Variants in TTK observed in about 807,000 individuals in gnomAD.
TTK encodes the protein TTK protein kinase.
In TTK, 59 loss-of-function variants were observed where a neutral mutation model predicts 117.3. The observed-to-expected ratio is 0.50, with a 90% confidence interval of 0.41 to 0.62. TTK has a LOEUF of 0.62. Ranked by LOEUF, TTK falls within the 20% of genes least tolerant of loss-of-function variation. The pLI is 0.00. For synonymous variants in TTK, 302 were observed against 325.0 expected, an observed-to-expected ratio of 0.93 and a Z score of 0.76; for missense variants, 921 against 989.4, an observed-to-expected ratio of 0.93 and a Z score of 0.93.
chr6:80,013,162 A>G (rs777337861), intron 8 of TTK, 117 bp from the exon 9 acceptor site: 17 of 803,032 alleles, frequency 2.1e-5, no homozygotes, highest in Non-Finnish European at 3.1e-5. Flanking sequence ...TTTTTAAGAG[A>G]TTTTTTTCAA....
At chr6:80,007,773 T>A (rs779365490) in intron 2 of TTK, 36 bp from the exon 3 acceptor site, 1 of 1,542,528 alleles carries the variant, frequency 6.5e-7, no homozygotes, top group Admixed American at 2.0e-5. Flanking sequence ...TTGTTTTATG[T>A]CTTTTCTTGT....
intron 10 of TTK, among the ~76,000 whole-genome samples, chr6:80,020,453 C>T (rs567608206): frequency 5.6e-4 from 85 of 152,192 alleles, no homozygotes; most frequent in African/African-American, 2.0e-3. Context: ...CTCAACTCAA[C>T]TAGCTTAATA....
At chr6:80,006,216 G>T (rs1197810780) in intron 2 of TTK, 2 of 505,234 alleles carry the variant, frequency 4.0e-6, no homozygotes, top group African/African-American at 3.9e-5. Context: ...ATGATTAATG[G>T]GTGAAAATGC....
At chr6:80,028,480 G>C (rs1767668342) in intron 13 of TTK, among the ~76,000 whole-genome samples, 1 of 151,676 alleles carries the variant, frequency 6.6e-6, no homozygotes, top group Admixed American at 6.6e-5. Context: ...ACCACACCTG[G>C]CTAATTTTTG....
rs188719171 is a variant in TTK, at chr6:80,033,248, A to G, written c.1614+1689A>G. On this transcript the variant is annotated intron_variant, in intron 14 of 21. Transcript: ENST00000369798. ...GTATTTGTCTTTCTGTATTTAGCCT[A>G]TTTCAGTTCCTCCTGGCTTATTTTA... 4.2e-4 allele frequency among the ~76,000 whole-genome samples: 64 copies of G among 152,218 alleles called. 1 individual carries two copies. Among genetic ancestry groups the G allele is most frequent in the Middle Eastern group, 3.4e-3 (1 of 294 alleles).
chr6:80,013,496 A>G, intron 9 of TTK, 130 bp downstream of exon 9: 2 of 703,116 alleles, frequency 2.8e-6, no homozygotes. Context: ...CACATACCCC[A>G]AGAGCTGTGG....
At chr6:80,014,436 CTTTA>C (rs760777675) in intron 9 of TTK, 23 bp from the exon 10 acceptor site, 315 of 1,577,588 alleles carry the variant, frequency 2.0e-4, no homozygotes, top group Non-Finnish European at 2.1e-4. Flanking sequence ...ATTTATGGGA[CTTTA>C]TTTGATTTTC....
intron 10 of TTK, among the ~76,000 whole-genome samples, chr6:80,021,097 G>A (rs1396284941): frequency 6.6e-6 from 1 of 152,210 alleles, no homozygotes. Context: ...GGATTTCCCA[G>A]TACACTCTGG....
chr6:80,009,338 A>G (rs1055094960), intron 4 of TTK, among the ~76,000 whole-genome samples: 1 of 151,954 alleles, frequency 6.6e-6, no homozygotes, highest in South Asian at 2.1e-4. Flanking sequence ...TAATTATATG[A>G]CTCAGAAATA....
chr6:80,037,373 T>C (rs1223126234), intron 17 of TTK, among the ~76,000 whole-genome samples: 4 of 152,070 alleles, frequency 2.6e-5, no homozygotes, highest in Non-Finnish European at 5.9e-5. Flanking sequence ...CTAAAGTAGA[T>C]ATATTCTGTG....
In TTK at chr6:80,035,356, A is replaced by G. The variant is rs752614808; in HGVS notation, c.1863A>G (p.Pro621=). 1.2e-6 allele frequency: 2 copies of G among 1,612,672 alleles called. No homozygotes were observed. The highest frequency in any genetic ancestry group is 3.3e-5 in the Admixed American group (2 of 59,864). Residue 621 remains proline, a synonymous_variant, in exon 16 of 22, where the codon CCA becomes CCG. Coordinates refer to ENST00000369798, the MANE Select transcript of TTK (RefSeq NM_003318.5). ...TTAAAAAGAAAAAATCCATTGATCC[A>G]TGGGAACGCAAGAGTTACTGGAAAA... ...SWLKKKKSID[P]WERKSYWKNM...
intron 12 of TTK, 107 bp downstream of exon 12, chr6:80,026,621 G>T (rs968291683): frequency 1.4e-6 from 2 of 1,463,906 alleles, no homozygotes; most frequent in African/African-American, 2.9e-5. Flanking sequence ...TTACTTTAAA[G>T]ACTTTCCATC....
chr6:80,042,016 GAAAT>G, intron 21 of TTK, 99 bp from the exon 22 acceptor site: 1 of 561,610 alleles, frequency 1.8e-6, no homozygotes, highest in Non-Finnish European at 2.9e-6. Flanking sequence ...GAACAAGAGA[GAAAT>G]AAATGTATTA....
intron 11 of TTK, among the ~76,000 whole-genome samples, chr6:80,026,093 T>C (rs996175150): frequency 6.6e-6 from 1 of 152,172 alleles, no homozygotes; most frequent in Non-Finnish European, 1.5e-5. Flanking sequence ...TTACAATAGC[T>C]CTGATGGAAG....
intron 8 of TTK, 58 bp downstream of exon 8, chr6:80,012,038 A>G: frequency 2.1e-6 from 3 of 1,411,182 alleles, no homozygotes; most frequent in Non-Finnish European, 2.9e-6. Flanking sequence ...TAATGGCAGA[A>G]TGGTCTTAAA....
chr6:80,023,459 G>A (rs754503434), intron 11 of TTK, among the ~76,000 whole-genome samples: 1 of 152,042 alleles, frequency 6.6e-6, no homozygotes. Context: ...CGGGTGTGGT[G>A]GTGGGCGCCT....
intron 13 of TTK, among the ~76,000 whole-genome samples, chr6:80,028,616 C>T (rs151134317): frequency 2.0e-5 from 3 of 152,212 alleles, no homozygotes; most frequent in African/African-American, 7.2e-5. Flanking sequence ...CTGCGCCTGG[C>T]CAGCGTTACT....
chr6:80,018,816 A>G (rs1463722357), intron 10 of TTK, among the ~76,000 whole-genome samples: 3 of 152,074 alleles, frequency 2.0e-5, no homozygotes, highest in African/African-American at 7.2e-5. Context: ...TATGATCATT[A>G]CTGTAGAGTT....
chr6:80,039,079 A>T (rs1250106950), intron 18 of TTK, among the ~76,000 whole-genome samples: 2 of 152,108 alleles, frequency 1.3e-5, no homozygotes, highest in Admixed American at 1.3e-4. Context: ...ATAACTAATT[A>T]TTTACTTGAA....
Sources: allele counts gnomAD v4.1 joint callset (sites outside exome capture counted in the v4.1 genomes callset), GRCh38; gene constraint gnomAD v4.1.1; transcripts MANE v1.5; gene names NCBI Gene and HGNC (gene_info 2026-07-23, HGNC 2026-07-21).